ASPH: variants seen among roughly 807,000 people sequenced by gnomAD.
ASPH encodes aspartyl/asparaginyl beta-hydroxylase.
ASPH carries 100 observed loss-of-function variants against 118.4 expected under a neutral mutation model. The observed-to-expected ratio is 0.84, with a 90% CI of 0.72 to 1.00. The LOEUF (loss-of-function observed/expected upper bound fraction) is 1.00. Among genes scored for constraint, ASPH ranks in the 50% least tolerant of loss-of-function variants. The probability of loss-of-function intolerance (pLI) is 0.00; values close to 1 mark genes in which losing one functional copy is unlikely to be tolerated. For synonymous variants in ASPH, 315 were observed against 325.6 expected (o/e 0.97, Z 0.35); for missense variants, 920 against 919.5 (o/e 1.00, Z -0.01).
intron 3 of ASPH, chr8:61,663,864 TAAGA>T (rs1238579531): frequency 1.0e-6 from 1 of 971,542 alleles, no homozygotes; most frequent in Non-Finnish European, 1.2e-6. Flanking sequence ...GGCGTTAACC[TAAGA>T]AAAAGGTGTA....
intron 5 of ASPH, among the ~76,000 whole-genome samples, chr8:61,648,653 T>C (rs74909126): frequency 2.0e-5 from 3 of 152,200 alleles, no homozygotes; most frequent in African/African-American, 7.2e-5. Context: ...CAGTCTAACA[T>C]TGAACACTAT....
intron 15 of ASPH, chr8:61,578,816 T>C (rs1323450568): frequency 7.5e-6 from 12 of 1,610,224 alleles, no homozygotes; most frequent in Admixed American, 1.7e-5. Context: ...TCAAGAAGGA[T>C]GTGGATGAAG....
chr8:61,706,473 G>GAAGAAGA (rs1191333253), intron 1 of ASPH, among the ~76,000 whole-genome samples: 9 of 142,002 alleles, frequency 6.3e-5, no homozygotes, highest in Admixed American at 6.3e-4. Flanking sequence ...AGAGGAAGAA[G>GAAGAAGA]AAGAAGAAAG....
chr8:61,579,296 C>T, intron 15 of ASPH: 1 of 1,614,166 alleles, frequency 6.2e-7, no homozygotes, highest in Non-Finnish European at 8.5e-7. Flanking sequence ...TGGAGGCTGC[C>T]CTGCAGCGGG....
chr8:61,598,872 T>C (rs1477838041), intron 14 of ASPH, among the ~76,000 whole-genome samples: 1 of 152,034 alleles, frequency 6.6e-6, no homozygotes, highest in African/African-American at 2.4e-5. Flanking sequence ...ACATGAAAAT[T>C]AAACAACATG....
At position 61,699,585 on chromosome 8, in the gene ASPH, T is replaced by C. The variant is rs569073521; in HGVS notation, c.103+14684A>G. Among the ~76,000 whole-genome samples the C allele has an allele frequency of 2.7e-4, 41 of 152,202 alleles. 1 individual carries two copies. The South Asian group carries it at 8.5e-3, about 32-fold the overall frequency. ...CTCTTTAAATTAAATCACCAGACAG[T>C]TGCAATGAGAAAAAAAAAATCAAAA... On this transcript the variant is annotated intron_variant, in intron 1 of 24. Coordinates refer to ENST00000379454, the MANE Select transcript of ASPH (RefSeq NM_004318.4).
rs1033843738 is a variant in ASPH, at chr8:61,681,133, T to C, written c.254-97A>G. 7 of 908,512 alleles carry C rather than the reference T, an allele frequency of 7.7e-6. No individual in the cohort carries two copies. In the South Asian group the frequency reaches 1.6e-4, roughly 20 times the overall value. The allele number at this position is 908,512 out of a possible 1,614,324, so 56.3% of individuals were successfully genotyped here. On this transcript the variant is annotated intron_variant, in intron 2 of 24. Coordinates refer to ENST00000379454, the MANE Select transcript of ASPH (RefSeq NM_004318.4). Reference sequence around the variant, plus strand: ...TGAAGTCATGCAACTCAGTCATAAATGTTACCAATTAATACAATTCTTTGC... The same window carrying C: ...TGAAGTCATGCAACTCAGTCATAAACGTTACCAATTAATACAATTCTTTGC...
At chr8:61,695,157 C>G (rs963052914) in intron 1 of ASPH, among the ~76,000 whole-genome samples, 3 of 152,202 alleles carry the variant, frequency 2.0e-5, no homozygotes, top group Non-Finnish European at 4.4e-5. Context: ...GTTCTTTCAA[C>G]TGTGATCATC....
rs557903039 is a variant in ASPH at position 61,705,104 on chromosome 8, G to A, written c.103+9165C>T. On this transcript the variant is annotated intron_variant, in intron 1 of 24. Coordinates refer to ENST00000379454, the MANE Select transcript of ASPH (RefSeq NM_004318.4). ...GTTAAAAAACTGTGCTATACAACAC[G>A]AATGGAGCTGGAGGCCACTATCCTA... Among the ~76,000 whole-genome samples the A allele has an allele frequency of 6.6e-5, 10 of 152,238 alleles. No homozygotes were observed. The South Asian group carries it at 1.7e-3, about 25-fold the overall frequency.
intron 1 of ASPH, among the ~76,000 whole-genome samples, chr8:61,704,009 A>G (rs1000569880): frequency 1.3e-4 from 19 of 151,472 alleles, no homozygotes; most frequent in African/African-American, 3.6e-4. Context: ...TCCCGGCTAA[A>G]ACGGTGAAAC....
At chr8:61,642,785 T>G in intron 10 of ASPH, 103 bp downstream of exon 10, 2 of 1,018,266 alleles carry the variant, frequency 2.0e-6, no homozygotes. Context: ...GCGGAGGTTG[T>G]AGTGGGCCAA....
chr8:61,531,874 T>A (rs898710881), intron 21 of ASPH, among the ~76,000 whole-genome samples: 3 of 152,204 alleles, frequency 2.0e-5, no homozygotes, highest in African/African-American at 7.2e-5. Context: ...CAGGATATCC[T>A]TCTTTTTAAA....
intron 16 of ASPH, among the ~76,000 whole-genome samples, chr8:61,571,419 T>C (rs568639877): frequency 8.0e-5 from 10 of 125,252 alleles, no homozygotes; most frequent in Admixed American, 2.5e-4. Context: ...TATAAAATGG[T>C]ATAGTATTTG....
At chr8:61,599,665 C>A (rs1413992988) in intron 14 of ASPH, among the ~76,000 whole-genome samples, 1 of 151,704 alleles carries the variant, frequency 6.6e-6, no homozygotes, top group Non-Finnish European at 1.5e-5. Context: ...AAATTGAAAA[C>A]CCTAGAGGAA....
At chr8:61,621,812 G>T (rs1384594894) in intron 13 of ASPH, among the ~76,000 whole-genome samples, 1 of 152,194 alleles carries the variant, frequency 6.6e-6, no homozygotes, top group East Asian at 1.9e-4. Flanking sequence ...GGAGCTATAT[G>T]CTCAGCCCAT....
chr8:61,579,354 A>G, intron 15 of ASPH: 2 of 1,614,144 alleles, frequency 1.2e-6, no homozygotes, highest in Non-Finnish European at 1.7e-6. Flanking sequence ...GGAGCTGATG[A>G]ACGTCAAGCT....
chr8:61,643,078 A>G (rs1806041913), intron 9 of ASPH, among the ~76,000 whole-genome samples, 158 bp from the exon 10 acceptor site: 1 of 152,194 alleles, frequency 6.6e-6, no homozygotes, highest in South Asian at 2.1e-4. Flanking sequence ...TCTGCCCAAA[A>G]GCAATTAAAA....
intron 16 of ASPH, among the ~76,000 whole-genome samples, chr8:61,573,517 T>C (rs1490524284): frequency 6.6e-6 from 1 of 152,078 alleles, no homozygotes; most frequent in Non-Finnish European, 1.5e-5. Flanking sequence ...AAAACAGATA[T>C]ATAGACCAAT....
chr8:61,624,245 G>C (rs1364261289), intron 13 of ASPH: 1 of 985,206 alleles, frequency 1.0e-6, no homozygotes, highest in East Asian at 1.1e-4. Context: ...GAAAAAAGGT[G>C]GAGCAGGCTG....
Sources: gnomAD v4.1 joint callset for allele counts (sites outside exome capture counted in the v4.1 genomes callset) on GRCh38, gnomAD v4.1.1 for gene constraint, MANE v1.5 for transcripts, NCBI Gene and HGNC (gene_info 2026-07-23, HGNC 2026-07-21) for gene names.